ANO1: variants seen among roughly 807,000 people sequenced by gnomAD.
The protein encoded by ANO1 is anoctamin-1.
ANO1 carries 59 observed loss-of-function variants against 124.0 expected under a neutral mutation model. The ratio of observed to expected loss-of-function variants is 0.48; its 90% confidence interval spans 0.39 to 0.59. The LOEUF is 0.59. Among genes scored for constraint, ANO1 ranks in the 20% least tolerant of loss-of-function variants. ANO1 has a pLI of 0.00. For synonymous variants in ANO1, 529 were observed against 532.0 expected (o/e 0.99, Z 0.08); for missense variants, 1,059 against 1,328.0 (o/e 0.80, Z 3.15).
At position 70,002,656 on chromosome 11, in the gene ANO1, A is replaced by C. The variant is rs149824648; in HGVS notation, c.58+16490A>C. On this transcript the variant is annotated intron_variant, in intron 1 of 27. Transcript: ENST00000531349. ...CACTATGATGAAAACACCTAATGAC[A>C]CATTTCTCAGAGTCCCTGTGGTTAA... Among the ~76,000 whole-genome samples the C allele has an allele frequency of 5.6e-3, 858 of 152,286 alleles. 9 individuals carry two copies. The highest frequency in any genetic ancestry group is 0.018 in the African/African-American group (756 of 41,568).
At chr11:70,048,445 T>G (rs112650734) in intron 1 of ANO1, among the ~76,000 whole-genome samples, 6 of 152,320 alleles carry the variant, frequency 3.9e-5, no homozygotes, top group African/African-American at 1.4e-4. Flanking sequence ...CTGCTTGCGC[T>G]TAATCAAGTT....
chr11:70,122,384 G>C (rs1335244917), intron 8 of ANO1, among the ~76,000 whole-genome samples: 1 of 103,558 alleles, frequency 9.7e-6, no homozygotes, highest in African/African-American at 4.0e-5. Flanking sequence ...ACCTCTCTCT[G>C]TCTGTCTCTC....
chr11:70,102,353 C>T (rs980927570), intron 2 of ANO1, among the ~76,000 whole-genome samples: 1 of 152,192 alleles, frequency 6.6e-6, no homozygotes, highest in Non-Finnish European at 1.5e-5. Flanking sequence ...TAGCTGGTGC[C>T]GCATCCTCGC....
intron 2 of ANO1, among the ~76,000 whole-genome samples, chr11:70,101,402 A>T (rs1286012274): frequency 1.3e-5 from 2 of 151,886 alleles, no homozygotes; most frequent in African/African-American, 4.8e-5. Flanking sequence ...CTAAAAATAC[A>T]GAAATTAGCT....
chr11:70,098,219 C>T (rs1392144764), intron 2 of ANO1, among the ~76,000 whole-genome samples: 1 of 152,222 alleles, frequency 6.6e-6, no homozygotes, highest in Non-Finnish European at 1.5e-5. Context: ...TGTTCTCCTC[C>T]TTGGGAGCTG....
chr11:69,990,948 T>C (rs1856141973), intron 1 of ANO1, among the ~76,000 whole-genome samples: 1 of 152,234 alleles, frequency 6.6e-6, no homozygotes, highest in South Asian at 2.1e-4. Context: ...TCCTTTGATG[T>C]ACAAAATTTT....
chr11:69,985,554 G>T (rs1856022458), upstream of ANO1, among the ~76,000 whole-genome samples: 1 of 152,184 alleles, frequency 6.6e-6, no homozygotes, highest in Admixed American at 6.5e-5. Context: ...CCGCGCCCAG[G>T]GCTGCGCCCG....
chr11:69,976,028 A>G, the ANO1 span, among the ~76,000 whole-genome samples: 1 of 152,078 alleles, frequency 6.6e-6, no homozygotes, highest in African/African-American at 2.4e-5. Flanking sequence ...TGTCCCCACC[A>G]TGCTCTGGGC....
intron 6 of ANO1, among the ~76,000 whole-genome samples, 161 bp downstream of exon 6, chr11:70,108,565 G>T (rs1026859574): frequency 6.6e-6 from 1 of 152,100 alleles, no homozygotes; most frequent in Admixed American, 6.5e-5. Flanking sequence ...GGTTGGGAGC[G>T]TGCAGGGCAG....
At chr11:70,038,635 G>T (rs782031707) in intron 1 of ANO1, among the ~76,000 whole-genome samples, 3 of 152,116 alleles carry the variant, frequency 2.0e-5, no homozygotes, top group Non-Finnish European at 4.4e-5. Flanking sequence ...TTGTGGGGAG[G>T]TGCCCTGCCA....
chr11:69,996,549 G>A (rs1856274776), intron 1 of ANO1, among the ~76,000 whole-genome samples: 1 of 152,164 alleles, frequency 6.6e-6, no homozygotes, highest in African/African-American at 2.4e-5. Flanking sequence ...CCCTTAAAGA[G>A]GCTAATGAAT....
rs56170892 is a variant in ANO1, at chr11:70,085,987, A to G, written c.109-1765A>G. On this transcript the variant is annotated intron_variant, in intron 1 of 25. Coordinates refer to ENST00000355303, the MANE Select transcript of ANO1 (RefSeq NM_018043.7). ...GGACCCTCCAGGCCAGCGAGGCCCA[A>G]GCACAGCTCTGTCCAAAGGCCACAG... is the stretch of plus-strand genomic sequence containing the variant. 8.7e-3 allele frequency among the ~76,000 whole-genome samples: 1,321 copies of G among 152,370 alleles called. 25 individuals carry two copies. Among genetic ancestry groups the G allele is most frequent in the African/African-American group, 0.03 (1,251 of 41,588 alleles).
rs184178714 is a variant in ANO1, at chr11:70,146,120, G to A, written c.1259-3590G>A. On this transcript the variant is annotated intron_variant, in intron 11 of 25. Transcript: ENST00000355303. ...TACAGCTATTATTTTCTTAAGGAAA[G>A]TTAAATATCTGCACAGAGAGTTGGT... Among the ~76,000 whole-genome samples the A allele has an allele frequency of 3.0e-3, 451 of 152,242 alleles. 1 individual carries two copies. The highest frequency in any genetic ancestry group is 4.1e-3 in the Non-Finnish European group (282 of 68,028).
intron 1 of ANO1, among the ~76,000 whole-genome samples, chr11:70,049,435 G>C (rs1345618076): frequency 6.6e-6 from 1 of 152,200 alleles, no homozygotes; most frequent in Admixed American, 6.5e-5. Flanking sequence ...TTGTCTTGAA[G>C]ATGACCAGAA....
the ANO1 span, among the ~76,000 whole-genome samples, chr11:69,966,531 T>C: frequency 6.6e-6 from 1 of 152,174 alleles, no homozygotes; most frequent in African/African-American, 2.4e-5. Context: ...GGCCCTGGCA[T>C]TCGGACCTGC....
At chr11:70,075,995 G>A (rs186848042), upstream of ANO1, among the ~76,000 whole-genome samples, 5 of 152,308 alleles carry the variant, frequency 3.3e-5, no homozygotes, top group South Asian at 2.1e-4. Flanking sequence ...CGAAGGCCAC[G>A]AGAGGCCTGG....
In ANO1 at chr11:70,188,277, A is replaced by C. The variant is rs970993046; in HGVS notation, c.*273A>C. On this transcript the variant is annotated 3_prime_UTR_variant, in exon 26 of 26. Transcript: ENST00000355303. ...TGGTAATACGGCAATAAGGTAGCAAAGGCAGGTGCTTTGCAGAAAGAATGC... is the reference window on the plus strand; with the variant it reads ...TGGTAATACGGCAATAAGGTAGCAACGGCAGGTGCTTTGCAGAAAGAATGC... 5.4e-5 allele frequency: 27 copies of C among 503,498 alleles called. No individual in the cohort carries two copies. Among genetic ancestry groups the C allele is most frequent in the Non-Finnish European group, 9.2e-5 (26 of 283,800 alleles). 31.2% of individuals were successfully genotyped at this position (503,498 alleles called of 1,614,324 possible). A position where few individuals can be genotyped will look rare whatever the true frequency, so the allele number is the denominator to read the frequency against.
At chr11:70,070,949 C>T (rs1479806347) in intron 1 of ANO1, among the ~76,000 whole-genome samples, 1 of 152,166 alleles carries the variant, frequency 6.6e-6, no homozygotes, top group African/African-American at 2.4e-5. Flanking sequence ...GCTGCCAGCC[C>T]CTGCCTCAGA....
intron 1 of ANO1, among the ~76,000 whole-genome samples, chr11:70,002,710 G>A (rs782747080): frequency 6.6e-6 from 1 of 152,114 alleles, no homozygotes; most frequent in Non-Finnish European, 1.5e-5. Flanking sequence ...TTCTAATTCA[G>A]TTAGAAGATA....
Sources: gnomAD v4.1 joint callset for allele counts (sites outside exome capture counted in the v4.1 genomes callset) on GRCh38, gnomAD v4.1.1 for gene constraint, MANE v1.5 for transcripts, NCBI Gene and HGNC (gene_info 2026-07-23, HGNC 2026-07-21) for gene names.